The following PALM2AKAP2 variants were observed in gnomAD, a reference collection of about 807,000 sequenced individuals.
PALM2AKAP2 encodes the protein PALM2-AKAP2 fusion protein.
In PALM2AKAP2, 37 loss-of-function variants were observed where a neutral mutation model predicts 71.5. The observed-to-expected ratio is 0.52, with a 90% CI of 0.40 to 0.68. PALM2AKAP2 has a LOEUF of 0.68. Ranked by LOEUF, PALM2AKAP2 falls within the 30% of genes least tolerant of loss-of-function variation. The pLI, the probability that PALM2AKAP2 is intolerant of heterozygous loss-of-function variation, is 0.00. For missense variants in PALM2AKAP2, 1,224 were observed against 1,191.8 expected (o/e 1.03, Z -0.40); for synonymous variants, 468 against 478.8 (o/e 0.98, Z 0.29).
At position 109,730,455 on chromosome 9, in the gene PALM2AKAP2, C is replaced by T. The variant is rs540631128; in HGVS notation, c.6-50033C>T. On this transcript the variant is annotated intron_variant, in intron 1 of 6. Transcript: ENST00000374531. ...TTTATAGGCTATTGCATAATGTCAA[C>T]TTATTCTAGAATGTTGCCTGAGGCT... 8.5e-5 allele frequency among the ~76,000 whole-genome samples: 13 copies of T among 152,296 alleles called. No homozygotes were observed. In the South Asian group the frequency reaches 2.7e-3, roughly 32 times the overall value.
chr9:110,171,033 AG>A (rs1836847298), exon 4 of PALM2AKAP2: 1 of 152,280 alleles, frequency 6.6e-6, no homozygotes, highest in African/African-American at 2.4e-5. Flanking sequence ...TAGAGACCAT[AG>A]ACATGATATA....
At chr9:110,023,542 C>G (rs1231051974) in intron 7 of PALM2AKAP2, among the ~76,000 whole-genome samples, 1 of 151,586 alleles carries the variant, frequency 6.6e-6, no homozygotes, top group Non-Finnish European at 1.5e-5. Context: ...TTGAACTCAC[C>G]ACCTCAAATG....
chr9:109,727,480 A>ATC (rs1554709288), intron 1 of PALM2AKAP2, among the ~76,000 whole-genome samples: 8 of 151,708 alleles, frequency 5.3e-5, no homozygotes, highest in African/African-American at 1.5e-4. Flanking sequence ...ACATTAAAAA[A>ATC]TTATTTTATA....
intron 6 of PALM2AKAP2, among the ~76,000 whole-genome samples, chr9:109,938,451 A>G (rs1831281993): frequency 6.6e-6 from 1 of 152,158 alleles, no homozygotes; most frequent in Non-Finnish European, 1.5e-5. Context: ...CTTATGTTTT[A>G]TCTAGGAAAA....
At chr9:110,145,780 T>C (rs757679434) in intron 2 of PALM2AKAP2, among the ~76,000 whole-genome samples, 2 of 117,798 alleles carry the variant, frequency 1.7e-5, no homozygotes, top group Non-Finnish European at 3.7e-5. Context: ...AGGTGTGCAA[T>C]GAAATCAGGA....
chr9:109,763,782 G>A (rs1829099707), intron 1 of PALM2AKAP2, among the ~76,000 whole-genome samples: 1 of 152,118 alleles, frequency 6.6e-6, no homozygotes, highest in Non-Finnish European at 1.5e-5. Flanking sequence ...TGGGGTGGGA[G>A]GGAAGTAGGT....
chr9:109,829,598 C>T (rs140224251), intron 1 of PALM2AKAP2, among the ~76,000 whole-genome samples: 3 of 151,706 alleles, frequency 2.0e-5, no homozygotes, highest in African/African-American at 7.3e-5. Flanking sequence ...TTCCTTTCTG[C>T]ACACACAGAA....
intron 2 of PALM2AKAP2, among the ~76,000 whole-genome samples, chr9:110,154,244 A>C (rs760097035): frequency 8.5e-5 from 13 of 152,164 alleles, no homozygotes; most frequent in Non-Finnish European, 1.6e-4. Flanking sequence ...CATCATACCC[A>C]TTTTACTGAT....
At position 110,136,828 on chromosome 9, in the gene PALM2AKAP2, C is replaced by T. The variant is rs377038997; in HGVS notation, c.858C>T (p.Asp286=). 5.0e-6 allele frequency: 8 copies of T among 1,613,990 alleles called. No individual in the cohort carries two copies. In the East Asian group the frequency reaches 8.9e-5, roughly 18 times the overall value. Residue 286 remains aspartate (D), a synonymous_variant, in exon 2 of 4, where the codon GAC becomes GAT. Coordinates refer to ENST00000374525, the Ensembl canonical transcript of PALM2AKAP2. ...AGCCCTCCAAGCTCTTTGAGGATGA[C>T]GAGCATGAGAAAGAACAATACTGCA...
At chr9:109,988,110 A>C (rs1279301656) in intron 6 of PALM2AKAP2, among the ~76,000 whole-genome samples, 1 of 152,238 alleles carries the variant, frequency 6.6e-6, no homozygotes, top group Admixed American at 6.5e-5. Context: ...CTCAAGAGGC[A>C]AAACTGCTTT....
chr9:109,850,229 A>T (rs1207806450), intron 1 of PALM2AKAP2, among the ~76,000 whole-genome samples: 1 of 152,196 alleles, frequency 6.6e-6, no homozygotes, highest in African/African-American at 2.4e-5. Flanking sequence ...AGCTCTCACC[A>T]GGTGTCATTC....
At chr9:109,976,588 A>C (rs370305158) in intron 6 of PALM2AKAP2, among the ~76,000 whole-genome samples, 22 of 152,182 alleles carry the variant, frequency 1.4e-4, no homozygotes, top group African/African-American at 5.1e-4. Flanking sequence ...AGAAGAGAAA[A>C]TATATCTGGA....
chr9:109,757,416 A>G (rs1828980628), intron 1 of PALM2AKAP2, among the ~76,000 whole-genome samples: 1 of 152,102 alleles, frequency 6.6e-6, no homozygotes, highest in African/African-American at 2.4e-5. Context: ...TGCCCTTACC[A>G]CTTATGAAGT....
At chr9:109,905,600 G>A (rs1418215326) in intron 3 of PALM2AKAP2, among the ~76,000 whole-genome samples, 1 of 152,230 alleles carries the variant, frequency 6.6e-6, no homozygotes, top group Non-Finnish European at 1.5e-5. Flanking sequence ...AGCCATACAG[G>A]AGAAAAGTTT....
chr9:109,910,590 A>T (rs1156750982), intron 3 of PALM2AKAP2, among the ~76,000 whole-genome samples: 5 of 152,216 alleles, frequency 3.3e-5, no homozygotes, highest in Admixed American at 3.3e-4. Flanking sequence ...ATATGTTTTT[A>T]AAAACGAAGA....
At chr9:109,791,310 A>G (rs962823588) in intron 1 of PALM2AKAP2, among the ~76,000 whole-genome samples, 3 of 152,216 alleles carry the variant, frequency 2.0e-5, no homozygotes, top group East Asian at 3.8e-4. Context: ...AGTAATGTAA[A>G]CTGCTTAATC....
intron 2 of PALM2AKAP2, among the ~76,000 whole-genome samples, chr9:109,871,509 T>C (rs765569218): frequency 2.2e-4 from 33 of 152,264 alleles, no homozygotes; most frequent in Middle Eastern, 3.4e-3. Flanking sequence ...GTATAATCAT[T>C]GCAAAAACTA....
chr9:109,773,936 G>T (rs74511133), intron 1 of PALM2AKAP2, among the ~76,000 whole-genome samples: 7 of 141,212 alleles, frequency 5.0e-5, no homozygotes, highest in Non-Finnish European at 9.1e-5. Context: ...TGTCAGGCAG[G>T]CACAGCATCC....
chr9:110,112,986 T>C (rs1835283778), intron 1 of PALM2AKAP2, among the ~76,000 whole-genome samples: 1 of 152,248 alleles, frequency 6.6e-6, no homozygotes, highest in African/African-American at 2.4e-5. Flanking sequence ...CTTTGAGGAC[T>C]CTCGGGCTCT....
Sources: gnomAD v4.1 joint callset for allele counts (sites outside exome capture counted in the v4.1 genomes callset) on GRCh38, gnomAD v4.1.1 for gene constraint, MANE v1.5 for transcripts, NCBI Gene and HGNC (gene_info 2026-07-23, HGNC 2026-07-21) for gene names.